Variants in IL1RAPL1 observed in about 807,000 individuals in gnomAD.
IL1RAPL1 encodes the protein interleukin-1 receptor accessory protein-like 1.
Under a neutral mutation model 48.4 loss-of-function variants are expected in IL1RAPL1, and 3 were observed. The ratio of observed to expected loss-of-function variants is 0.06; its 90% CI spans 0.03 to 0.16. IL1RAPL1 has a LOEUF of 0.16. Ranked by LOEUF, IL1RAPL1 falls within the 10% of genes least tolerant of loss-of-function variation. The pLI is 1.00. For synonymous variants in IL1RAPL1, 185 were observed against 187.7 expected (o/e 0.99, Z 0.12); for missense variants, 349 against 530.6 (o/e 0.66, Z 3.36).
At chrX:28,689,714 C>T (rs988741142) in intron 1 of IL1RAPL1, among the ~76,000 whole-genome samples, 7 of 111,710 alleles carry the variant, frequency 6.3e-5, no homozygotes, top group Non-Finnish European at 1.1e-4. Flanking sequence ...AATCAAGCTC[C>T]ACTTGAGGAC....
rs778402885 is a variant in IL1RAPL1, at chrX:28,615,199, G to GTTTTTTTTTTTTT, written c.-25+27175_-25+27187dup. 1.9e-4 allele frequency among the ~76,000 whole-genome samples: 5 copies of GTTTTTTTTTTTTT among 26,056 alleles called. 1 individual carries two copies. Among genetic ancestry groups the GTTTTTTTTTTTTT allele is most frequent in the African/African-American group, 5.7e-4 (4 of 7,051 alleles). 22.6% of individuals were successfully genotyped at this position (26,056 alleles called of 115,157 possible). On this transcript the variant is annotated intron_variant, in intron 1 of 10. Coordinates refer to ENST00000378993, the MANE Select transcript of IL1RAPL1 (RefSeq NM_014271.4). ...CACTGCGCCTGGCCAACTGTTGTCT[G>GTTTTTTTTTTTTT]TTTTTTTTTTTTTTTTTTTTTTTTT...
chrX:29,746,797 AG>A (rs1180193194), intron 6 of IL1RAPL1, among the ~76,000 whole-genome samples: 3 of 111,938 alleles, frequency 2.7e-5, no homozygotes, highest in Non-Finnish European at 5.6e-5. Flanking sequence ...TAGTAGAGAC[AG>A]GGTTTTGCCC....
intron 1 of IL1RAPL1, among the ~76,000 whole-genome samples, chrX:28,692,070 CA>C (rs1423172748): frequency 1.8e-5 from 2 of 110,909 alleles, no homozygotes; most frequent in African/African-American, 6.6e-5. Context: ...AAGAGACAGA[CA>C]GGGGGAAGGA....
intron 2 of IL1RAPL1, among the ~76,000 whole-genome samples, chrX:28,884,037 A>G (rs998735381): frequency 8.9e-6 from 1 of 111,914 alleles, no homozygotes. Context: ...TTAAACTAAT[A>G]ATATGAACAT....
At chrX:28,674,361 C>T (rs976756526) in intron 1 of IL1RAPL1, among the ~76,000 whole-genome samples, 8 of 111,231 alleles carry the variant, frequency 7.2e-5, no homozygotes, top group Non-Finnish European at 1.1e-4. Flanking sequence ...CACCACCCCC[C>T]TTCCCTATGC....
intron 5 of IL1RAPL1, among the ~76,000 whole-genome samples, chrX:29,655,651 CAAAAAAAA>C (rs746998144): frequency 3.7e-5 from 1 of 26,753 alleles, no homozygotes; most frequent in Non-Finnish European, 6.4e-5. Context: ...TGACAGTCTC[CAAAAAAAA>C]AAAAAAAAAA....
intron 2 of IL1RAPL1, among the ~76,000 whole-genome samples, chrX:29,248,196 G>A (rs751482276): frequency 5.4e-5 from 6 of 111,474 alleles, no homozygotes; most frequent in South Asian, 3.8e-4. Context: ...CAGACGGGTC[G>A]CTTGAGGTCA....
At chrX:29,395,570 C>T (rs1175713717) in intron 3 of IL1RAPL1, among the ~76,000 whole-genome samples, 1 of 111,886 alleles carries the variant, frequency 8.9e-6, no homozygotes, top group Non-Finnish European at 1.9e-5. Flanking sequence ...TGACCCAATT[C>T]TGTAGAATCT....
intron 2 of IL1RAPL1, among the ~76,000 whole-genome samples, chrX:29,043,929 G>C (rs1444158791): frequency 2.7e-5 from 3 of 111,827 alleles, no homozygotes; most frequent in African/African-American, 9.8e-5. Context: ...GGGGAGCTTA[G>C]AGGGTATCAT....
chrX:29,242,598 G>C (rs758781021), intron 2 of IL1RAPL1, among the ~76,000 whole-genome samples: 2 of 112,304 alleles, frequency 1.8e-5, no homozygotes, highest in Non-Finnish European at 3.8e-5. Context: ...GGATTTACCA[G>C]GTGTTATAAA....
chrX:29,531,427 A>G (rs769556562), intron 5 of IL1RAPL1, among the ~76,000 whole-genome samples: 2 of 111,812 alleles, frequency 1.8e-5, no homozygotes, highest in Non-Finnish European at 3.8e-5. Context: ...TTATGAAATA[A>G]TCACAGTTTA....
At position 28,740,539 on chromosome X, in the gene IL1RAPL1, ATG is replaced by A. The variant is rs752740546; in HGVS notation, c.-24-48778_-24-48777del. The stretch of plus-strand genomic sequence containing the variant: ...CTTTTCTTTTAGGTTCAGGTGGTAC[ATG>A]TGCAGGTTTGTTGTGTGGGTAAATT... On this transcript the variant is annotated intron_variant, in intron 1 of 10. Transcript: ENST00000378993. Among the ~76,000 whole-genome samples the A allele has an allele frequency of 3.2e-4, 35 of 110,613 alleles. No individual in the cohort carries two copies. In the South Asian group the frequency reaches 3.4e-3, roughly 11 times the overall value.
intron 1 of IL1RAPL1, among the ~76,000 whole-genome samples, chrX:28,771,937 CAAAAAAA>C (rs5901904): frequency 2.4e-5 from 1 of 42,008 alleles, no homozygotes; most frequent in Non-Finnish European, 4.2e-5. Context: ...GACTCCGTCT[CAAAAAAA>C]AAAAAAAAAA....
intron 2 of IL1RAPL1, among the ~76,000 whole-genome samples, chrX:28,918,666 A>G (rs750889610): frequency 6.2e-4 from 69 of 112,127 alleles, no homozygotes; most frequent in African/African-American, 2.1e-3. Flanking sequence ...TAGATCAAGG[A>G]AATTTATCTG....
chrX:29,233,712 C>A (rs917619079), intron 2 of IL1RAPL1, among the ~76,000 whole-genome samples: 2 of 111,484 alleles, frequency 1.8e-5, no homozygotes, highest in African/African-American at 3.3e-5. Context: ...CGTTATACAG[C>A]AAAATGGAAG....
chrX:29,889,323 C>A (rs1255733588), intron 6 of IL1RAPL1, among the ~76,000 whole-genome samples: 1 of 111,782 alleles, frequency 8.9e-6, no homozygotes, highest in African/African-American at 3.2e-5. Flanking sequence ...TTGTGATATT[C>A]CCTTCTAATT....
At chrX:28,935,677 C>T (rs1370154914) in intron 2 of IL1RAPL1, among the ~76,000 whole-genome samples, 2 of 111,741 alleles carry the variant, frequency 1.8e-5, no homozygotes, top group Non-Finnish European at 3.8e-5. Flanking sequence ...AGGGTGACTC[C>T]CACGTCTATC....
chrX:29,418,354 C>T (rs1934250127), intron 5 of IL1RAPL1, among the ~76,000 whole-genome samples: 1 of 108,011 alleles, frequency 9.3e-6, no homozygotes, highest in Admixed American at 1.0e-4. Flanking sequence ...ACTCAAACTC[C>T]TGACCTCCTG....
At chrX:29,586,204 T>G (rs752652425) in intron 5 of IL1RAPL1, among the ~76,000 whole-genome samples, 9 of 112,018 alleles carry the variant, frequency 8.0e-5, no homozygotes, top group Non-Finnish European at 1.7e-4. Flanking sequence ...TTTTAATTCA[T>G]TTTGAGTTTA....
Sources: allele counts gnomAD v4.1 joint callset (sites outside exome capture counted in the v4.1 genomes callset), GRCh38; gene constraint gnomAD v4.1.1; transcripts MANE v1.5; gene names NCBI Gene and HGNC (gene_info 2026-07-23, HGNC 2026-07-21).